Variants in CADPS2 observed in about 807,000 individuals in gnomAD.
CADPS2 encodes calcium dependent secretion activator 2, also known as calcium-dependent secretion activator 2.
In CADPS2, 93 loss-of-function variants were observed where a neutral mutation model predicts 172.5. The observed-to-expected ratio is 0.54, with a 90% confidence interval of 0.46 to 0.64. The LOEUF (loss-of-function observed/expected upper bound fraction) is 0.64, where lower values mean the gene tolerates loss of function less well. Among genes scored for constraint, CADPS2 ranks in the 30% least tolerant of loss-of-function variants. CADPS2 has a pLI of 0.00. For missense variants in CADPS2, 1,420 were observed against 1,565.9 expected, an observed-to-expected ratio of 0.91 and a Z score of 1.57; for synonymous variants, 546 against 555.2, an observed-to-expected ratio of 0.98 and a Z score of 0.23.
Position 122,361,224 on chromosome 7 carries a change from C to CT in CADPS2, c.3388-212dup, listed in dbSNP as rs376434122. On this transcript the variant is annotated intron_variant, in intron 25 of 29. Transcript: ENST00000449022. ...CTTTCCCATGGCTGGAAATAATACA[C>CT]TTTTTTTTTTTTTTTTTTTTTTAAA... Among the ~76,000 whole-genome samples, 369 of 103,404 alleles carry CT rather than the reference C, an allele frequency of 3.6e-3. 3 individuals carry two copies. Among genetic ancestry groups the CT allele is most frequent in the South Asian group, 0.011 (35 of 3,132 alleles). 67.8% of individuals were successfully genotyped at this position (103,404 alleles called of 152,430 possible). A position where few individuals can be genotyped will look rare whatever the true frequency, so the allele number is the denominator to read the frequency against.
At chr7:122,793,697 T>G (rs1466962444) in intron 1 of CADPS2, among the ~76,000 whole-genome samples, 1 of 152,164 alleles carries the variant, frequency 6.6e-6, no homozygotes, top group South Asian at 2.1e-4. Context: ...TTTTGCAGAC[T>G]TGTTTATGTG....
chr7:122,379,396 T>G lies in CADPS2; in HGVS notation c.3359A>C (p.Lys1120Thr). 3 of 1,602,150 alleles carry G rather than the reference T, an allele frequency of 1.9e-6. No homozygotes were observed. The highest frequency in any genetic ancestry group is 2.6e-6 in the Non-Finnish European group (3 of 1,171,202). Reference sequence around the variant, plus strand: ...TGAAACTAACAGTGAAATGATTTCTTTTACACTGTTGTCGATCAGATCATC... The same window carrying G: ...TGAAACTAACAGTGAAATGATTTCTGTTACACTGTTGTCGATCAGATCATC... ...KIDDLIDNSV[K>T]EIISLLVSKF... is the part of the protein sequence containing the mutation. Residue 1120 changes from lysine (K) to threonine (T), a missense_variant, in exon 25 of 30, where the codon AAA becomes ACA. By Grantham distance (78) the Lys-to-Thr change is moderately conservative. Coordinates refer to ENST00000449022, the MANE Select transcript of CADPS2 (RefSeq NM_017954.11).
intron 2 of CADPS2, among the ~76,000 whole-genome samples, chr7:122,724,446 C>A (rs183162489): frequency 6.6e-6 from 1 of 152,012 alleles, no homozygotes; most frequent in Non-Finnish European, 1.5e-5. Context: ...AAGCAGTACA[C>A]ATGATAATAT....
chr7:122,356,865 C>T (rs562509102), intron 27 of CADPS2, among the ~76,000 whole-genome samples: 1 of 152,162 alleles, frequency 6.6e-6, no homozygotes, highest in South Asian at 2.1e-4. Context: ...CTACAAGATG[C>T]TCCACGTTCA....
chr7:122,709,789 C>G (rs2088366342), intron 2 of CADPS2, among the ~76,000 whole-genome samples: 3 of 151,918 alleles, frequency 2.0e-5, no homozygotes, highest in Admixed American at 2.0e-4. Flanking sequence ...TCATCATTCT[C>G]AGTAAACTAT....
intron 20 of CADPS2, among the ~76,000 whole-genome samples, chr7:122,401,786 C>G (rs924307876): frequency 6.6e-6 from 1 of 151,914 alleles, no homozygotes; most frequent in South Asian, 2.1e-4. Context: ...CTTTTTTGGC[C>G]AGAAATGGAG....
At chr7:122,332,767 C>T (rs180787027) in intron 28 of CADPS2, among the ~76,000 whole-genome samples, 1 of 152,156 alleles carries the variant, frequency 6.6e-6, no homozygotes, top group Non-Finnish European at 1.5e-5. Flanking sequence ...GGGAGCTGCA[C>T]AAGCTCTTTC....
At position 122,330,869 on chromosome 7, in the gene CADPS2, T is replaced by C. The variant is rs1056672733; in HGVS notation, c.3613-5288A>G. On this transcript the variant is annotated intron_variant, in intron 28 of 29. Coordinates refer to ENST00000449022, the MANE Select transcript of CADPS2 (RefSeq NM_017954.11). Reference sequence around the variant, plus strand: ...CCCATTTATGCTACTATTTGCTGGATTGAGTCTGTTACGCACCTTCTCTAT... The same window carrying C: ...CCCATTTATGCTACTATTTGCTGGACTGAGTCTGTTACGCACCTTCTCTAT... 3 of 152,318 alleles carry C rather than the reference T, an allele frequency of 2.0e-5. No homozygotes were observed. In the South Asian group the frequency reaches 6.2e-4, roughly 32 times the overall value. The allele number at this position is 152,318 out of a possible 1,614,324, so 9.4% of individuals were successfully genotyped here. A position where few individuals can be genotyped will look rare whatever the true frequency, so the allele number is the denominator to read the frequency against.
rs2041439101 is a variant in CADPS2, at chr7:122,369,239, C to T, written c.3388-8226G>A. 4.0e-5 allele frequency among the ~76,000 whole-genome samples: 6 copies of T among 148,702 alleles called. No individual in the cohort carries two copies. In the South Asian group the frequency reaches 1.3e-3, roughly 32 times the overall value. On this transcript the variant is annotated intron_variant, in intron 25 of 29. Transcript: ENST00000449022. ...CTCCGTCTCCCGGGTTCACGCCATT[C>T]TCCTGCCTCAGCCTCCCGGTAGCTG...
intron 1 of CADPS2, among the ~76,000 whole-genome samples, chr7:122,829,485 T>C (rs1202369866): frequency 6.6e-6 from 1 of 152,178 alleles, no homozygotes. Context: ...ATTCCTACTC[T>C]TGTGTGCAAA....
chr7:122,841,822 G>A (rs190349363), intron 1 of CADPS2, among the ~76,000 whole-genome samples: 1 of 150,646 alleles, frequency 6.6e-6, no homozygotes, highest in Non-Finnish European at 1.5e-5. Context: ...GTTTAGTACT[G>A]TATTTTTTTT....
chr7:122,375,251 TC>T (rs1384617253), intron 25 of CADPS2, among the ~76,000 whole-genome samples: 6 of 151,934 alleles, frequency 3.9e-5, no homozygotes, highest in Admixed American at 6.6e-5. Context: ...CCAAAACAAT[TC>T]CGAGCAAAAG....
At chr7:122,808,515 G>A (rs1450428730) in intron 1 of CADPS2, among the ~76,000 whole-genome samples, 1 of 152,166 alleles carries the variant, frequency 6.6e-6, no homozygotes, top group Non-Finnish European at 1.5e-5. Context: ...TAAACCACTT[G>A]CTTGGTCTAA....
chr7:122,703,354 C>A (rs986390320), intron 2 of CADPS2, among the ~76,000 whole-genome samples: 1 of 152,042 alleles, frequency 6.6e-6, no homozygotes, highest in African/African-American at 2.4e-5. Context: ...TTCAACACTA[C>A]CGAATATGGC....
chr7:122,403,416 C>A (rs2046208690), intron 20 of CADPS2, among the ~76,000 whole-genome samples: 1 of 152,060 alleles, frequency 6.6e-6, no homozygotes, highest in Admixed American at 6.5e-5. Flanking sequence ...AAATAAAAGC[C>A]AAGACCTAGA....
chr7:122,699,393 T>C (rs1357624144), intron 2 of CADPS2, among the ~76,000 whole-genome samples: 1 of 152,122 alleles, frequency 6.6e-6, no homozygotes, highest in African/African-American at 2.4e-5. Flanking sequence ...TGTAAGAATG[T>C]TTTATTTTCC....
At chr7:122,524,512 G>T (rs762293893) in intron 8 of CADPS2, among the ~76,000 whole-genome samples, 5 of 152,148 alleles carry the variant, frequency 3.3e-5, no homozygotes, top group Non-Finnish European at 7.4e-5. Flanking sequence ...TGAAGAAAAA[G>T]AATGGCAAAT....
chr7:122,385,900 T>C (rs1293391327), intron 24 of CADPS2, among the ~76,000 whole-genome samples: 1 of 152,112 alleles, frequency 6.6e-6, no homozygotes, highest in East Asian at 1.9e-4. Flanking sequence ...TCTTTTGGTA[T>C]TAAAAGTATA....
At chr7:122,874,758 C>A (rs1486976168) in intron 1 of CADPS2, among the ~76,000 whole-genome samples, 2 of 152,114 alleles carry the variant, frequency 1.3e-5, no homozygotes, top group Non-Finnish European at 2.9e-5. Context: ...CTTTGACAAA[C>A]CTGACAAAAA....
Sources: gnomAD v4.1 joint callset for allele counts (sites outside exome capture counted in the v4.1 genomes callset) on GRCh38, gnomAD v4.1.1 for gene constraint, MANE v1.5 for transcripts, NCBI Gene and HGNC (gene_info 2026-07-23, HGNC 2026-07-21) for gene names.